ATP2C1: variants seen among roughly 807,000 people sequenced by gnomAD.
The protein encoded by ATP2C1 is calcium-transporting ATPase type 2C member 1.
ATP2C1 carries 31 observed loss-of-function variants against 120.5 expected under a neutral mutation model. The ratio of observed to expected loss-of-function variants is 0.26; its 90% CI spans 0.19 to 0.35. The LOEUF is 0.35. ATP2C1 is among the 10% of genes least tolerant of loss of function. The pLI, the probability that ATP2C1 is intolerant of heterozygous loss-of-function variation, is 1.00. For missense variants in ATP2C1, 731 were observed against 1,107.5 expected (o/e 0.66, Z 4.83); for synonymous variants, 351 against 358.7 (o/e 0.98, Z 0.24).
intron 2 of ATP2C1, among the ~76,000 whole-genome samples, chr3:130,916,611 C>T (rs566296130): frequency 2.0e-5 from 3 of 151,934 alleles, no homozygotes; most frequent in African/African-American, 2.4e-5. Context: ...TTTGCCTTAG[C>T]GGGGAAACAG....
chr3:130,956,116 C>G lies in ATP2C1; in HGVS notation c.769C>G (p.Pro257Ala). ...TCAATTTATCAAGGCACCAAAAACC[C>G]CTCTGCAGAAGAGCATGGACCTCTT... Reference protein sequence around the residue: ...MMQAEEAPKTPLQKSMDLLGK... With the variant: ...MMQAEEAPKTALQKSMDLLGK... The change falls in exon 11 of 28, where the codon CCT becomes GCT. Residue 257 changes from proline (P) to alanine (A), a missense_variant. Physicochemically the swap from Pro to Ala is conservative, Grantham distance 27. This residue lies in a region of ATP2C1 where 571 missense variants were observed against 845.9 expected (regional missense o/e 0.67). Coordinates refer to ENST00000510168, the MANE Select transcript of ATP2C1 (RefSeq NM_001378687.1). 1 of 1,609,738 alleles carries G rather than the reference C, an allele frequency of 6.2e-7. No homozygotes were observed. The highest frequency in any genetic ancestry group is 8.5e-7 in the Non-Finnish European group (1 of 1,176,438).
chr3:130,863,024 G>A (rs1025985934), intron 1 of ATP2C1, among the ~76,000 whole-genome samples: 5 of 152,178 alleles, frequency 3.3e-5, no homozygotes, highest in African/African-American at 1.2e-4. Flanking sequence ...GGTTCTGCAA[G>A]TGAGGGACCT....
chr3:131,013,512 A>G (rs1474539773), intron 26 of ATP2C1, among the ~76,000 whole-genome samples: 1 of 152,178 alleles, frequency 6.6e-6, no homozygotes, highest in Non-Finnish European at 1.5e-5. Context: ...GGCTGAAGCC[A>G]TTAGTTTCAA....
chr3:130,924,072 G>A (rs774417610), intron 2 of ATP2C1, among the ~76,000 whole-genome samples: 11 of 151,550 alleles, frequency 7.3e-5, no homozygotes, highest in Non-Finnish European at 1.6e-4. Flanking sequence ...TATATTCAAC[G>A]TGAGTATTTA....
intron 18 of ATP2C1, among the ~76,000 whole-genome samples, chr3:130,978,468 G>A (rs567667967): frequency 6.6e-6 from 1 of 152,044 alleles, no homozygotes; most frequent in East Asian, 1.9e-4. Flanking sequence ...AGTAGTTTCC[G>A]GAGTTCCATA....
At position 130,953,848 on chromosome 3, in the gene ATP2C1, A is replaced by G. The variant is rs1465006910; in HGVS notation, c.559A>G (p.Ser187Gly). 2 of 1,614,058 alleles carry G rather than the reference A, an allele frequency of 1.2e-6. No individual in the cohort carries two copies. ...TGTGGATCTTTCCATTGATGAGTCC[A>G]GCTTGACAGGTGAGACAACGCCTTG... ...EAVDLSIDES[S>G]LTGETTPCSK... Residue 187 changes from serine to glycine, a missense_variant, in exon 9 of 28, where the codon AGC becomes GGC. Physicochemically the swap from Ser to Gly is moderately conservative, Grantham distance 56 (BLOSUM62 0). This residue lies in a region of ATP2C1 where 571 missense variants were observed against 845.9 expected (regional missense o/e 0.67). Transcript: ENST00000510168.
In ATP2C1 at chr3:131,001,315, G is replaced by T; in HGVS notation, c.2725G>T (p.Val909Phe). The change falls in exon 28 of 28, where the codon GTT becomes TTT. Residue 909 changes from valine to phenylalanine, a missense_variant. Transcript: ENST00000510168. The stretch of plus-strand genomic sequence containing the variant: ...GAGCAGGGAAAAGATCCAGAAGCAT[G>T]TTAGTTCGACATCATCATCTTTTCT... ...ERSREKIQKH[V>F]SSTSSSFLEV 1 of 1,613,500 alleles carries T rather than the reference G, an allele frequency of 6.2e-7. No homozygotes were observed. The highest frequency in any genetic ancestry group is 1.1e-5 in the South Asian group (1 of 91,076).
chr3:130,935,022 A>G (rs1157541954), intron 5 of ATP2C1, among the ~76,000 whole-genome samples: 1 of 152,060 alleles, frequency 6.6e-6, no homozygotes, highest in East Asian at 1.9e-4. Flanking sequence ...TTGTAAAGAC[A>G]GGGTCTTGTT....
chr3:130,908,208 C>G (rs1277302824), intron 2 of ATP2C1, among the ~76,000 whole-genome samples: 3 of 152,048 alleles, frequency 2.0e-5, no homozygotes, highest in African/African-American at 7.2e-5. Flanking sequence ...GTTTCACTTT[C>G]AGAAATGTAT....
rs368704690 is a variant in ATP2C1 at position 130,998,440 on chromosome 3, A to C, written c.2487+51A>C. The stretch of plus-strand genomic sequence containing the variant: ...TGACTTGATTGACTCACTTGAGTAG[A>C]GTGCTTTCTAATAAGTAGGCAAAGA... On this transcript the variant is annotated intron_variant, in intron 26 of 27. Transcript: ENST00000510168. 9.7e-5 allele frequency: 131 copies of C among 1,350,574 alleles called. No individual in the cohort carries two copies. In the African/African-American group the frequency reaches 1.7e-3, roughly 18 times the overall value. 83.7% of individuals were successfully genotyped at this position (1,350,574 alleles called of 1,614,324 possible). A position where few individuals can be genotyped will look rare whatever the true frequency, so the allele number is the denominator to read the frequency against.
chr3:130,895,793 A>G (rs1339697844), intron 2 of ATP2C1, among the ~76,000 whole-genome samples: 1 of 152,226 alleles, frequency 6.6e-6, no homozygotes, highest in Non-Finnish European at 1.5e-5. Context: ...TTATAGATGC[A>G]GTAATGTGTT....
chr3:130,975,528 A>G (rs1323000618), intron 18 of ATP2C1, 40 bp downstream of exon 18: 3 of 1,603,882 alleles, frequency 1.9e-6, no homozygotes, highest in Non-Finnish European at 2.6e-6. Context: ...GTGGAAAGGT[A>G]GAGCCTTCTT....
chr3:130,857,838 G>A lies in ATP2C1; in HGVS notation c.108+6910G>A, dbSNP rs377152840. Among the ~76,000 whole-genome samples the A allele has an allele frequency of 3.2e-3, 487 of 152,244 alleles. 6 individuals are homozygous for A. The highest frequency in any genetic ancestry group is 0.029 in the South Asian group (140 of 4,820). On this transcript the variant is annotated intron_variant, in intron 1 of 26. Transcript: ENST00000504381. ...GAGAATTGACTCACATGAGTCACAC[G>A]ATCACAAGGTGAAATCCCACAATAG...
In ATP2C1 at chr3:130,993,017, T is replaced by C; in HGVS notation, c.1890+16T>C. The C allele has an allele frequency of 6.2e-7, 1 of 1,607,400 alleles. No individual in the cohort carries two copies. The highest frequency in any genetic ancestry group is 1.1e-5 in the South Asian group (1 of 90,946). On this transcript the variant is annotated intron_variant, in intron 21 of 27. Coordinates refer to ENST00000510168, the MANE Select transcript of ATP2C1 (RefSeq NM_001378687.1). Reference sequence around the variant, plus strand: ...AATTATTAAGGTGAGTGTGTAAGAATCAGATTGTTTTATTTCTGTATACAA... The same window carrying C: ...AATTATTAAGGTGAGTGTGTAAGAACCAGATTGTTTTATTTCTGTATACAA...
intron 4 of ATP2C1, among the ~76,000 whole-genome samples, chr3:130,932,870 C>A (rs1386604517): frequency 6.6e-6 from 1 of 152,128 alleles, no homozygotes; most frequent in African/African-American, 2.4e-5. Flanking sequence ...GCCTTTTCTG[C>A]TAATGAGCTT....
intron 14 of ATP2C1, among the ~76,000 whole-genome samples, chr3:130,966,638 G>A (rs1473296544): frequency 6.6e-6 from 1 of 151,990 alleles, no homozygotes; most frequent in Non-Finnish European, 1.5e-5. Flanking sequence ...TAAATACCTG[G>A]TTTGTCTCTA....
chr3:130,994,222 TC>T (rs760075636), intron 22 of ATP2C1, 124 bp downstream of exon 22: 3 of 1,104,542 alleles, frequency 2.7e-6, no homozygotes, highest in Non-Finnish European at 2.7e-6. Context: ...AAACCACTTT[TC>T]TAGGGTAATT....
intron 4 of ATP2C1, 43 bp from the exon 5 acceptor site, chr3:130,934,579 A>G (rs2059587656): frequency 1.6e-6 from 2 of 1,276,036 alleles, no homozygotes; most frequent in African/African-American, 1.5e-5. Context: ...GAGAACTGTC[A>G]TGTACAAAAC....
Position 130,932,077 on chromosome 3 carries a change from A to G in ATP2C1, c.173A>G (p.His58Arg), listed in dbSNP as rs1424451353. The G allele has an allele frequency of 2.5e-6, 4 of 1,613,038 alleles. No individual in the cohort carries two copies. The highest frequency in any genetic ancestry group is 2.5e-6 in the Non-Finnish European group (3 of 1,179,266). Residue 58 changes from histidine to arginine, a missense_variant, in exon 4 of 28, where the codon CAT (histidine) becomes CGT (arginine). By Grantham distance (29) the His-to-Arg change is conservative. Coordinates refer to ENST00000510168, the MANE Select transcript of ATP2C1 (RefSeq NM_001378687.1). ...KCEVSHRRAF[H>R]GWNEFDISED... is the part of the protein sequence containing the mutation. Reference sequence around the variant, plus strand: ...GAAGTTAGTCATAGGCGAGCCTTTCATGGCTGGAATGAGTTTGATATTAGT... The same window carrying G: ...GAAGTTAGTCATAGGCGAGCCTTTCGTGGCTGGAATGAGTTTGATATTAGT...
Sources: allele counts gnomAD v4.1 joint callset (sites outside exome capture counted in the v4.1 genomes callset), GRCh38; gene constraint gnomAD v4.1.1; regional missense constraint gnomAD v4.1.1; transcripts MANE v1.5; gene names NCBI Gene and HGNC (gene_info 2026-07-23, HGNC 2026-07-21).